PDXDC1: variants seen among roughly 807,000 people sequenced by gnomAD.
PDXDC1 encodes pyridoxal dependent decarboxylase domain containing 1, also known as pyridoxal-dependent decarboxylase domain-containing protein 1.
A neutral mutation model predicts 100.1 loss-of-function variants in PDXDC1; 42 were observed. The ratio of observed to expected loss-of-function variants is 0.42; its 90% CI spans 0.33 to 0.54. The LOEUF is 0.54. PDXDC1 is among the 20% of genes least tolerant of loss of function. The pLI is 0.10. For missense variants in PDXDC1, 636 were observed against 979.2 expected, an observed-to-expected ratio of 0.65 and a Z score of 4.68; for synonymous variants, 260 against 371.7, an observed-to-expected ratio of 0.70 and a Z score of 3.46.
At chr16:15,079,755 G>T (rs1238297152) in intron 16 of PDXDC1, among the ~76,000 whole-genome samples, 1 of 152,128 alleles carries the variant, frequency 6.6e-6, no homozygotes, top group Non-Finnish European at 1.5e-5. Context: ...ATCATGCCTG[G>T]CTAATTTTTT....
chr16:15,146,315 C>A, the PDXDC1 span, among the ~76,000 whole-genome samples: 1 of 152,288 alleles, frequency 6.6e-6, no homozygotes, highest in Middle Eastern at 3.4e-3. Flanking sequence ...TGCCCACCAG[C>A]GACAGCGCAC....
chr16:15,027,403 G>C (rs2042695589), intron 14 of PDXDC1, among the ~76,000 whole-genome samples: 1 of 152,272 alleles, frequency 6.6e-6, no homozygotes, highest in South Asian at 2.1e-4. Flanking sequence ...GTTACAGTGT[G>C]CTCTTTTAAT....
intron 16 of PDXDC1, chr16:15,065,202 T>C (rs1394205154): frequency 5.1e-6 from 8 of 1,571,750 alleles, no homozygotes; most frequent in Non-Finnish European, 6.9e-6. Context: ...CCAGCGTCAA[T>C]GTTTAAAAGT....
chr16:14,980,932 C>T (rs1341825650), intron 1 of PDXDC1, among the ~76,000 whole-genome samples: 2 of 152,282 alleles, frequency 1.3e-5, no homozygotes. Flanking sequence ...CGAAGGTGAG[C>T]TGTGGTCAAA....
intron 16 of PDXDC1, among the ~76,000 whole-genome samples, chr16:15,098,935 A>G (rs1434615183): frequency 1.3e-5 from 2 of 152,158 alleles, no homozygotes; most frequent in African/African-American, 4.8e-5. Context: ...TTGATGCAAT[A>G]TGACCTCATC....
At chr16:15,097,467 A>AG (rs2046396444) in intron 16 of PDXDC1, among the ~76,000 whole-genome samples, 1 of 108,090 alleles carries the variant, frequency 9.3e-6, no homozygotes, top group Non-Finnish European at 2.0e-5. Flanking sequence ...TACTAAAAAT[A>AG]CAAAAAAAAA....
intron 1 of PDXDC1, among the ~76,000 whole-genome samples, chr16:14,977,520 C>T (rs28701035): frequency 7.5e-3 from 1,144 of 151,904 alleles, no homozygotes; most frequent in African/African-American, 0.026. Context: ...CCTTGTGATC[C>T]TTCAGCCTCA....
At chr16:15,027,555 G>A (rs866366985) in intron 14 of PDXDC1, among the ~76,000 whole-genome samples, 38 of 152,392 alleles carry the variant, frequency 2.5e-4, no homozygotes, top group South Asian at 4.1e-4. Flanking sequence ...ATGAGTGCAA[G>A]GTTTTATTGA....
downstream of PDXDC1, among the ~76,000 whole-genome samples, chr16:15,140,561 G>A (rs2048455642): frequency 6.6e-6 from 1 of 151,970 alleles, no homozygotes; most frequent in African/African-American, 2.4e-5. Context: ...AAGCACAATT[G>A]GTCACAGCCA....
chr16:15,047,767 G>T, intron 16 of PDXDC1: 1 of 1,160,072 alleles, frequency 8.6e-7, no homozygotes, highest in Non-Finnish European at 1.3e-6. Flanking sequence ...CTTCCAACAA[G>T]ACACCAGGAA....
chr16:15,147,489 C>A, the PDXDC1 span, among the ~76,000 whole-genome samples: 124 of 152,308 alleles, frequency 8.1e-4, 1 homozygote, highest in Admixed American at 4.1e-3. Context: ...CAGCGCAGGG[C>A]CCGGCGTGGC....
At chr16:15,132,373 G>GT (rs1447082960) in intron 16 of PDXDC1, among the ~76,000 whole-genome samples, 29 of 21,554 alleles carry the variant, frequency 1.3e-3, no homozygotes, top group African/African-American at 2.2e-3. Context: ...GCAAGGGGAG[G>GT]GAGGGGGAGG....
At chr16:15,112,057 C>T (rs1265769722) in intron 16 of PDXDC1, among the ~76,000 whole-genome samples, 2 of 147,392 alleles carry the variant, frequency 1.4e-5, no homozygotes, top group Admixed American at 6.8e-5. Flanking sequence ...GAACTTTACG[C>T]AAAACATTCT....
intron 16 of PDXDC1, chr16:15,126,973 T>A (rs1357536498): frequency 3.1e-6 from 1 of 322,908 alleles, no homozygotes; most frequent in Non-Finnish European, 6.0e-6. Flanking sequence ...TAATGTTTTA[T>A]ATAGATGTGG....
chr16:15,081,494 T>C (rs1055468128), intron 16 of PDXDC1, among the ~76,000 whole-genome samples: 1 of 152,186 alleles, frequency 6.6e-6, no homozygotes, highest in African/African-American at 2.4e-5. Flanking sequence ...TTTGCAGAAA[T>C]GCCTATTCAG....
chr16:15,102,345 C>A (rs893095001), intron 16 of PDXDC1, among the ~76,000 whole-genome samples: 2 of 152,074 alleles, frequency 1.3e-5, no homozygotes, highest in African/African-American at 4.8e-5. Flanking sequence ...TCCAATTTTA[C>A]GAGAGGGTGT....
intron 12 of PDXDC1, among the ~76,000 whole-genome samples, 191 bp downstream of exon 12, chr16:15,019,156 C>G (rs1015158006): frequency 1.3e-5 from 2 of 152,254 alleles, no homozygotes; most frequent in East Asian, 1.9e-4. Context: ...GTTGTCTGTC[C>G]CAGCATTTGT....
At chr16:15,130,267 G>A (rs544119391) in intron 16 of PDXDC1, 46 of 1,543,982 alleles carry the variant, frequency 3.0e-5, no homozygotes, top group African/African-American at 2.7e-4. Context: ...GTGAGGTGGC[G>A]GGTGAGGCAG....
chr16:15,079,444 T>A (rs2045604743), intron 16 of PDXDC1, among the ~76,000 whole-genome samples: 1 of 152,258 alleles, frequency 6.6e-6, no homozygotes, highest in African/African-American at 2.4e-5. Context: ...GTATGTTTCA[T>A]TCATAGCATT....
Sources: gnomAD v4.1 joint callset for allele counts (sites outside exome capture counted in the v4.1 genomes callset) on GRCh38, gnomAD v4.1.1 for gene constraint, MANE v1.5 for transcripts, NCBI Gene and HGNC (gene_info 2026-07-23, HGNC 2026-07-21) for gene names.